The following KRT86 variants were observed in gnomAD, a reference collection of about 807,000 sequenced individuals.
KRT86 encodes the protein keratin, type II cuticular Hb6.
A neutral mutation model predicts 41.2 loss-of-function variants in KRT86; 30 were observed. The ratio of observed to expected loss-of-function variants is 0.73; its 90% CI spans 0.54 to 0.99. The LOEUF is 0.99. KRT86 is among the 50% of genes least tolerant of loss of function. The probability of loss-of-function intolerance (pLI) is 0.00; values close to 1 mark genes in which losing one functional copy is unlikely to be tolerated. For missense variants in KRT86, 561 were observed against 571.4 expected, an observed-to-expected ratio of 0.98 and a Z score of 0.19; for synonymous variants, 238 against 238.1, an observed-to-expected ratio of 1.00 and a Z score of 0.00.
chr12:52,308,768 C>G lies in KRT86; in HGVS notation c.*183C>G, dbSNP rs974287298. On this transcript the variant is annotated 3_prime_UTR_variant, in exon 11 of 11. Coordinates refer to ENST00000423955, the MANE Select transcript of KRT86 (RefSeq NM_001320198.2). The stretch of plus-strand genomic sequence containing the variant: ...CCGGTCGCAGGAGTCCGGGGAGGGC[C>G]GGGAGGCGCCATGGTCTCTCTCTGT... The G allele has an allele frequency of 1.8e-5, 11 of 606,526 alleles. 2 individuals carry two copies. Among genetic ancestry groups the G allele is most frequent in the Middle Eastern group, 4.4e-4 (1 of 2,292 alleles). The allele number at this position is 606,526 out of a possible 1,614,324, so 37.6% of individuals were successfully genotyped here.
At position 52,308,643 on chromosome 12, in the gene KRT86, G is replaced by C. The variant is rs1938575073; in HGVS notation, c.*58G>C. ...TCACTCTCCACCCAGCCAGTACCTC[G>C]CGCCACCAGAACGCGCCGCCCGCGC... On this transcript the variant is annotated 3_prime_UTR_variant, in exon 11 of 11. Coordinates refer to ENST00000423955, the MANE Select transcript of KRT86 (RefSeq NM_001320198.2). 3.9e-6 allele frequency: 6 copies of C among 1,540,266 alleles called. No individual in the cohort carries two copies. The South Asian group carries it at 6.8e-5, about 17-fold the overall frequency.
Position 52,308,380 on chromosome 12 carries a change from C to T in KRT86, c.1280-24C>T, listed in dbSNP as rs754901526. ...CCAGGTCGCGGCTGCGCCTGACGCG[C>T]GCCTCCGTCTCTTTCCCCTGCAGGC... On this transcript the variant is annotated intron_variant, in intron 10 of 10. Coordinates refer to ENST00000423955, the MANE Select transcript of KRT86 (RefSeq NM_001320198.2). 5.0e-6 allele frequency: 8 copies of T among 1,611,162 alleles called. No homozygotes were observed. In the Admixed American group the frequency reaches 8.4e-5, roughly 17 times the overall value.
chr12:52,294,319 G>A (rs1440054290), intron 2 of KRT86, among the ~76,000 whole-genome samples: 2 of 152,302 alleles, frequency 1.3e-5, no homozygotes, highest in African/African-American at 4.8e-5. Flanking sequence ...ATTACTAATG[G>A]CTGGTCCTTA....
rs752727601 is a variant in KRT86 at position 52,301,983 on chromosome 12, G to A, written c.67G>A (p.Gly23Ser). 5 of 1,613,192 alleles carry A rather than the reference G, an allele frequency of 3.1e-6. No homozygotes were observed. The East Asian group carries it at 6.7e-5, about 22-fold the overall frequency. Residue 23 changes from glycine to serine, a missense_variant, in exon 3 of 11, where the codon GGC becomes AGC. Coordinates refer to ENST00000423955, the MANE Select transcript of KRT86 (RefSeq NM_001320198.2). ...SCISACGPRP[G>S]RCCITAAPYR... ...CATCTCGGCCTGCGGGCCCCGGCCC[G>A]GCCGCTGCTGCATCACCGCCGCCCC...
intron 9 of KRT86, chr12:52,306,661 C>T (rs1298734381): frequency 2.7e-6 from 1 of 375,610 alleles, no homozygotes; most frequent in African/African-American, 2.1e-5. Flanking sequence ...CCCATCTAGA[C>T]CTGGGAGTTC....
chr12:52,285,907 C>A, intron 2 of KRT86: 1 of 367,430 alleles, frequency 2.7e-6, no homozygotes, highest in Non-Finnish European at 5.2e-6. Context: ...ACACACAAGA[C>A]CCAGGTTGGC....
rs1399715603 is a variant in KRT86, at chr12:52,305,846, GC to G, written c.1026+60del. Reference sequence around the variant, plus strand: ...CCGAGGGTCTAACCATGGTCACACAGCCTATGTGTGCCCTATCTGGATCTCA... The same window carrying G: ...CCGAGGGTCTAACCATGGTCACACAGCTATGTGTGCCCTATCTGGATCTCA... On this transcript the variant is annotated intron_variant, in intron 8 of 10. Coordinates refer to ENST00000423955, the MANE Select transcript of KRT86 (RefSeq NM_001320198.2). The G allele has an allele frequency of 4.3e-6, 7 of 1,611,890 alleles. No individual in the cohort carries two copies. The East Asian group carries it at 1.3e-4, about 31-fold the overall frequency.
At chr12:52,293,863 G>A (rs373637150) in intron 2 of KRT86, among the ~76,000 whole-genome samples, 2 of 152,280 alleles carry the variant, frequency 1.3e-5, no homozygotes, top group Admixed American at 6.5e-5. Context: ...ATAGCCCCCT[G>A]GAGCTGCTAT....
intron 2 of KRT86, among the ~76,000 whole-genome samples, chr12:52,277,174 A>T (rs1268626383): frequency 6.6e-6 from 1 of 152,164 alleles, no homozygotes; most frequent in African/African-American, 2.4e-5. Context: ...CAATAACCAC[A>T]GCATTACATG....
chr12:52,286,680 G>T, intron 2 of KRT86: 1 of 1,294,410 alleles, frequency 7.7e-7, no homozygotes, highest in Non-Finnish European at 1.1e-6. Context: ...CTCCTGTTGT[G>T]ATGCCAGCCC....
chr12:52,305,364 C>A lies in KRT86; in HGVS notation c.860C>A (p.Thr287Asn). ...EIKAQYDDIVTRSRAEAESWY... is the reference protein window; with the variant it reads ...EIKAQYDDIVNRSRAEAESWY... ...AAGGCACAGTACGATGACATTGTCA[C>A]CCGTAGCCGGGCTGAGGCCGAGTCC... The change falls in exon 7 of 11, where the codon ACC (threonine) becomes AAC (asparagine). Residue 287 changes from threonine (T) to asparagine (N), a missense_variant. Around this residue, in one of 3 missense-constraint regions of KRT86, gnomAD observed 397 missense variants for 375.9 expected, o/e 1.06. Transcript: ENST00000423955. 6.2e-7 allele frequency: 1 copy of A among 1,614,246 alleles called. No individual in the cohort carries two copies. The highest frequency in any genetic ancestry group is 2.2e-5 in the East Asian group (1 of 44,880).
intron 2 of KRT86, among the ~76,000 whole-genome samples, chr12:52,296,290 C>A (rs74095631): frequency 0.018 from 2,758 of 152,038 alleles, 87 homozygotes; most frequent in African/African-American, 0.062. Context: ...GGGAGAAGAT[C>A]TGGGAAGTAT....
intron 2 of KRT86, among the ~76,000 whole-genome samples, chr12:52,276,784 C>T (rs1019304549): frequency 1.3e-5 from 2 of 152,210 alleles, no homozygotes; most frequent in Admixed American, 6.5e-5. Context: ...TCTTAGCCTC[C>T]TCTCTTAACC....
rs533760492 is a variant in KRT86, at chr12:52,288,773, C to A, written c.-5+12827C>A. 4.6e-5 allele frequency among the ~76,000 whole-genome samples: 7 copies of A among 152,194 alleles called. No homozygotes were observed. The South Asian group carries it at 1.5e-3, about 32-fold the overall frequency. On this transcript the variant is annotated intron_variant, in intron 2 of 10. Coordinates refer to ENST00000423955, the MANE Select transcript of KRT86 (RefSeq NM_001320198.2). ...CTCTCACACCCTGACCCTTTCCTGTCCCCCACAAGTGCTCCAAGAGCCCAG... is the reference window on the plus strand; with the variant it reads ...CTCTCACACCCTGACCCTTTCCTGTACCCCACAAGTGCTCCAAGAGCCCAG...
chr12:52,302,014 G>A lies in KRT86; in HGVS notation c.98G>A (p.Arg33His), dbSNP rs552266351. The A allele has an allele frequency of 1.2e-6, 2 of 1,611,946 alleles. No individual in the cohort carries two copies. Among genetic ancestry groups the A allele is most frequent in the East Asian group, 2.2e-5 (1 of 44,816 alleles). ...TGCTGCATCACCGCCGCCCCCTACC[G>A]TGGCATCTCCTGCTACCGCGGCCTC... ...GRCCITAAPY[R>H]GISCYRGLTG... The change falls in exon 3 of 11, where the codon CGT (arginine) becomes CAT (histidine). Residue 33 changes from arginine to histidine, a missense_variant. Arg to His is a conservative substitution (Grantham distance 29, BLOSUM62 0). Around this residue, in one of 3 missense-constraint regions of KRT86, gnomAD observed 164 missense variants for 172.5 expected, o/e 0.95. Transcript: ENST00000423955.
At chr12:52,284,509 G>A (rs1039303627) in intron 2 of KRT86, among the ~76,000 whole-genome samples, 4 of 152,200 alleles carry the variant, frequency 2.6e-5, no homozygotes, top group Admixed American at 1.3e-4. Context: ...CTTCTGAGCT[G>A]TGTGATGTCA....
At chr12:52,291,578 A>C in intron 2 of KRT86, 1 of 1,496,958 alleles carries the variant, frequency 6.7e-7, no homozygotes, top group Non-Finnish European at 9.1e-7. Context: ...CAGATTCTGA[A>C]GGGGCTTGGC....
chr12:52,284,858 C>T (rs769060489), intron 2 of KRT86, among the ~76,000 whole-genome samples: 2 of 152,132 alleles, frequency 1.3e-5, no homozygotes, highest in African/African-American at 2.4e-5. Context: ...TCCCCTACCT[C>T]GTCAGTGTCA....
At position 52,286,323 on chromosome 12, in the gene KRT86, C is replaced by T. The variant is rs1278446325; in HGVS notation, c.-5+10377C>T. 16 of 1,554,494 alleles carry T rather than the reference C, an allele frequency of 1.0e-5. No homozygotes were observed. Among genetic ancestry groups the T allele is most frequent in the African/African-American group, 2.7e-5 (2 of 73,284 alleles). ...GAGCTGATACCACAGGAGCCCACGC[C>T]GCAGGAACCCCCTCCGCAGGTGGTG... On this transcript the variant is annotated intron_variant, in intron 2 of 10. Transcript: ENST00000423955.
Sources: gnomAD v4.1 joint callset for allele counts (sites outside exome capture counted in the v4.1 genomes callset) on GRCh38, gnomAD v4.1.1 for gene constraint, gnomAD v4.1.1 regional missense constraint, MANE v1.5 for transcripts, NCBI Gene and HGNC (gene_info 2026-07-23, HGNC 2026-07-21) for gene names.